Variants in TMEM272 observed in about 807,000 individuals in gnomAD.
TMEM272 encodes the protein long intergenic non-protein coding RNA 282.
TMEM272 carries 8 observed loss-of-function variants against 3.7 expected under a neutral mutation model. The observed-to-expected ratio is 2.17, with a 90% CI of 1.27 to 3.91. The LOEUF (loss-of-function observed/expected upper bound fraction) is 3.91. Ranked by LOEUF, TMEM272 falls within the 30% of genes most tolerant of loss-of-function variation. The probability of loss-of-function intolerance (pLI) is 0.00; values close to 1 mark genes in which losing one functional copy is unlikely to be tolerated. For missense variants in TMEM272, 166 were observed against 91.5 expected, an observed-to-expected ratio of 1.81 and a Z score of -3.32; for synonymous variants, 63 against 39.8, an observed-to-expected ratio of 1.58 and a Z score of -2.20.
At chr13:51,933,422 T>C in the TMEM272 span, 1 of 152,170 alleles carries the variant, frequency 6.6e-6, no homozygotes, top group Non-Finnish European at 1.5e-5. Context: ...TAATGGACAA[T>C]GAAAAAAATC....
At chr13:51,839,743 G>A (rs1048521973) in intron 1 of TMEM272, among the ~76,000 whole-genome samples, 1 of 152,208 alleles carries the variant, frequency 6.6e-6, no homozygotes, top group Non-Finnish European at 1.5e-5. Flanking sequence ...CAGAGCTGTG[G>A]CTCATAGCAG....
At chr13:51,910,313 A>C in the TMEM272 span, 1 of 1,398,942 alleles carries the variant, frequency 7.1e-7, no homozygotes. Flanking sequence ...CATAGCCTTC[A>C]TACTCTTTTT....
At chr13:51,821,120 G>A (rs1956075029) in intron 4 of TMEM272, among the ~76,000 whole-genome samples, 1 of 152,220 alleles carries the variant, frequency 6.6e-6, no homozygotes, top group Admixed American at 6.5e-5. Context: ...GCACCAGAAG[G>A]CAGCTGGCAA....
the TMEM272 span, among the ~76,000 whole-genome samples, chr13:51,887,973 C>T: frequency 6.6e-6 from 1 of 152,128 alleles, no homozygotes; most frequent in Non-Finnish European, 1.5e-5. Flanking sequence ...TAAACATATA[C>T]ACACCTATAT....
intron 4 of TMEM272, among the ~76,000 whole-genome samples, chr13:51,818,082 T>G (rs1385322992): frequency 6.6e-6 from 1 of 152,190 alleles, no homozygotes; most frequent in Non-Finnish European, 1.5e-5. Context: ...CTGCTCTCTC[T>G]GGCTTCCTAG....
chr13:51,861,950 G>T, the TMEM272 span: 2 of 152,314 alleles, frequency 1.3e-5, no homozygotes, highest in African/African-American at 2.4e-5. Flanking sequence ...ACAATCACTT[G>T]TGAGTCATCA....
the TMEM272 span, chr13:51,865,519 G>A: frequency 1.2e-6 from 2 of 1,614,206 alleles, no homozygotes; most frequent in African/African-American, 1.3e-5. Flanking sequence ...AGCTGCAGGA[G>A]GAAAAGGCTT....
chr13:51,921,738 C>T, the TMEM272 span, among the ~76,000 whole-genome samples: 2 of 152,218 alleles, frequency 1.3e-5, no homozygotes, highest in East Asian at 1.9e-4. Context: ...ACCTTCAAGC[C>T]GTCAGAACTT....
chr13:51,821,916 C>A, intron 4 of TMEM272, 139 bp downstream of exon 4: 3 of 673,190 alleles, frequency 4.5e-6, no homozygotes, highest in Non-Finnish European at 2.7e-6. Context: ...CTGGAGCTAG[C>A]CCCATCACTT....
At chr13:51,850,213 A>G in the TMEM272 span, among the ~76,000 whole-genome samples, 3 of 152,254 alleles carry the variant, frequency 2.0e-5, no homozygotes, top group Middle Eastern at 3.4e-3. Context: ...ATCAACTACA[A>G]TTTTACGTTG....
chr13:51,877,408 A>G, the TMEM272 span, among the ~76,000 whole-genome samples: 3 of 152,166 alleles, frequency 2.0e-5, no homozygotes, highest in Admixed American at 6.5e-5. Flanking sequence ...TAGGTGCTCA[A>G]TGAATGTTTG....
chr13:51,923,885 A>G, the TMEM272 span, among the ~76,000 whole-genome samples: 1 of 152,148 alleles, frequency 6.6e-6, no homozygotes, highest in Non-Finnish European at 1.5e-5. Flanking sequence ...ACCTCAAGAG[A>G]AAATCTCACC....
chr13:51,907,506 G>C, the TMEM272 span, among the ~76,000 whole-genome samples: 1 of 152,258 alleles, frequency 6.6e-6, no homozygotes, highest in East Asian at 1.9e-4. Context: ...CCAAGGCCAG[G>C]TACCAGACAA....
At chr13:51,901,340 G>C in the TMEM272 span, among the ~76,000 whole-genome samples, 1 of 152,012 alleles carries the variant, frequency 6.6e-6, no homozygotes, top group African/African-American at 2.4e-5. Context: ...AGTTCCACAT[G>C]GTCTAGAGTT....
the TMEM272 span, among the ~76,000 whole-genome samples, chr13:51,873,992 A>G: frequency 8.5e-5 from 13 of 152,228 alleles, no homozygotes; most frequent in African/African-American, 2.9e-4. Flanking sequence ...CAGAACTCAG[A>G]CATGTGATCC....
intron 3 of TMEM272, among the ~76,000 whole-genome samples, chr13:51,826,168 GC>G (rs1251387022): frequency 1.3e-5 from 2 of 148,894 alleles, no homozygotes; most frequent in African/African-American, 2.5e-5. Context: ...TGTATAGAGT[GC>G]CCATACATCA....
chr13:51,863,691 A>ACACACACACACAC, the TMEM272 span, among the ~76,000 whole-genome samples: 14 of 130,996 alleles, frequency 1.1e-4, no homozygotes, highest in African/African-American at 3.9e-4. Context: ...ACACACACAC[A>ACACACACACACAC]CACACACACA....
the TMEM272 span, chr13:51,866,144 G>A: frequency 4.5e-6 from 6 of 1,320,840 alleles, no homozygotes; most frequent in Non-Finnish European, 6.2e-6. Context: ...AGTCCAGGGT[G>A]AGCCCATGTG....
chr13:51,897,361 A>ACT, the TMEM272 span, among the ~76,000 whole-genome samples: 1 of 78,618 alleles, frequency 1.3e-5, no homozygotes, highest in Non-Finnish European at 3.0e-5. Flanking sequence ...ATGTCTGGCT[A>ACT]ATTTTTTTTT....
Sources: allele counts gnomAD v4.1 joint callset (sites outside exome capture counted in the v4.1 genomes callset), GRCh38; gene constraint gnomAD v4.1.1; transcripts MANE v1.5; gene names NCBI Gene and HGNC (gene_info 2026-07-23, HGNC 2026-07-21).